Variants in MEP1A observed in about 807,000 individuals in gnomAD.
MEP1A encodes N-benzoyl-L-tyrosyl-P-amino-benzoic acid hydrolase subunit alpha.
MEP1A carries 68 observed loss-of-function variants against 84.5 expected under a neutral mutation model. The observed-to-expected ratio is 0.80, with a 90% CI of 0.66 to 0.98. The LOEUF is 0.98. Among genes scored for constraint, MEP1A ranks in the 50% least tolerant of loss-of-function variants. The probability of loss-of-function intolerance (pLI) is 0.00; values close to 1 mark genes in which losing one functional copy is unlikely to be tolerated. For missense variants in MEP1A, 887 were observed against 919.9 expected (o/e 0.96, Z 0.46); for synonymous variants, 337 against 336.8 (o/e 1.00, Z -0.01).
At chr6:46,835,837 C>T (rs1768206203) in intron 13 of MEP1A, among the ~76,000 whole-genome samples, 1 of 152,196 alleles carries the variant, frequency 6.6e-6, no homozygotes, top group Admixed American at 6.5e-5. Context: ...ACTCTAACAA[C>T]ACCCAAGATG....
chr6:46,800,050 G>A (rs1767158764), intron 5 of MEP1A, among the ~76,000 whole-genome samples: 1 of 152,206 alleles, frequency 6.6e-6, no homozygotes, highest in Non-Finnish European at 1.5e-5. Flanking sequence ...ATGGAGAACA[G>A]CTAGATATAA....
chr6:46,815,545 TCA>T (rs1440415768), intron 6 of MEP1A, among the ~76,000 whole-genome samples: 1 of 152,182 alleles, frequency 6.6e-6, no homozygotes, highest in African/African-American at 2.4e-5. Flanking sequence ...GCAAGCAGAC[TCA>T]CAGGTTTTCA....
At chr6:46,831,319 T>C (rs1768069784) in intron 10 of MEP1A, among the ~76,000 whole-genome samples, 1 of 152,208 alleles carries the variant, frequency 6.6e-6, no homozygotes, top group African/African-American at 2.4e-5. Flanking sequence ...TGCATATCTG[T>C]ATATAATATA....
chr6:46,797,909 TC>T (rs1299007444), intron 3 of MEP1A, among the ~76,000 whole-genome samples: 4,109 of 66,750 alleles, frequency 0.062, 177 homozygotes, highest in East Asian at 0.17. Flanking sequence ...CTTCCTTCCT[TC>T]CTTCCTTCCT....
intron 7 of MEP1A, among the ~76,000 whole-genome samples, chr6:46,825,035 C>G: frequency 1.3e-5 from 1 of 77,468 alleles, no homozygotes; most frequent in Non-Finnish European, 3.1e-5. Context: ...TTAAATAGAT[C>G]TATTTAAATA....
intron 11 of MEP1A, among the ~76,000 whole-genome samples, 159 bp downstream of exon 11, chr6:46,833,697 C>T (rs1320369121): frequency 6.6e-6 from 1 of 152,138 alleles, no homozygotes; most frequent in African/African-American, 2.4e-5. Flanking sequence ...ATTTTCAATG[C>T]CATCACATCC....
chr6:46,797,784 C>T (rs1767079016), intron 3 of MEP1A, among the ~76,000 whole-genome samples: 2 of 138,706 alleles, frequency 1.4e-5, no homozygotes, highest in South Asian at 2.3e-4. Context: ...TTCTTTCTTT[C>T]TTTCTTTCTC....
chr6:46,807,563 A>AGAAAGAAAGAAG (rs1767365497), intron 5 of MEP1A, among the ~76,000 whole-genome samples: 11 of 67,338 alleles, frequency 1.6e-4, no homozygotes, highest in African/African-American at 7.6e-4. Flanking sequence ...AAAGAAAGAA[A>AGAAAGAAAGAAG]GAAAGGAAGG....
chr6:46,793,764 C>T lies in MEP1A; in HGVS notation c.145+48C>T, dbSNP rs755825665. The T allele has an allele frequency of 1.2e-5, 16 of 1,340,516 alleles. No homozygotes were observed. In the South Asian group the frequency reaches 1.8e-4, roughly 15 times the overall value. 83.0% of individuals were successfully genotyped at this position (1,340,516 alleles called of 1,614,324 possible). A position where few individuals can be genotyped will look rare whatever the true frequency, so the allele number is the denominator to read the frequency against. On this transcript the variant is annotated intron_variant, in intron 3 of 13. Coordinates refer to ENST00000230588, the MANE Select transcript of MEP1A (RefSeq NM_005588.3). The stretch of plus-strand genomic sequence containing the variant: ...TAAAGTCTTGAAATTACTTGAAACC[C>T]AGTGGTGGGATTACTGAACACTTTC...
rs1767923813 is a variant in MEP1A at position 46,825,620 on chromosome 6, T to C, written c.778+127T>C. On this transcript the variant is annotated intron_variant, in intron 8 of 13. Coordinates refer to ENST00000230588, the MANE Select transcript of MEP1A (RefSeq NM_005588.3). The stretch of plus-strand genomic sequence containing the variant: ...ACTAGCTAAAAGAATAAGAACAAAC[T>C]GCGTAACTTTTGTTGGTCTACCTCT... The C allele has an allele frequency of 4.3e-6, 3 of 699,176 alleles. No homozygotes were observed. The South Asian group carries it at 6.1e-5, about 14-fold the overall frequency. The allele number at this position is 699,176 out of a possible 1,614,324, so 43.3% of individuals were successfully genotyped here. A position where few individuals can be genotyped will look rare whatever the true frequency, so the allele number is the denominator to read the frequency against.
intron 13 of MEP1A, among the ~76,000 whole-genome samples, chr6:46,836,791 G>A (rs1276385911): frequency 1.7e-5 from 2 of 115,790 alleles, no homozygotes; most frequent in African/African-American, 6.6e-5. Context: ...TACTGGTCAG[G>A]GATTTTTTTT....
chr6:46,807,666 AAGGAGGAGGAGGAGAAGG>A (rs1357673179), intron 5 of MEP1A, among the ~76,000 whole-genome samples: 1 of 147,482 alleles, frequency 6.8e-6, no homozygotes. Flanking sequence ...GGAAGAGAAG[AAGGAGGAGGAGGAGAAGG>A]AGGAGGAGGA....
At position 46,826,235 on chromosome 6, in the gene MEP1A, A is replaced by G. The variant is rs566281821; in HGVS notation, c.779-119A>G. 12 of 902,262 alleles carry G rather than the reference A, an allele frequency of 1.3e-5. No homozygotes were observed. The African/African-American group carries it at 1.9e-4, about 14-fold the overall frequency. The allele number at this position is 902,262 out of a possible 1,614,324, so 55.9% of individuals were successfully genotyped here. ...AAGATTTGCATTTGAGAAAAAGTCAAGATAACAAGCTTGTGATCCTGTCAT... is the reference window on the plus strand; with the variant it reads ...AAGATTTGCATTTGAGAAAAAGTCAGGATAACAAGCTTGTGATCCTGTCAT... On this transcript the variant is annotated intron_variant, in intron 8 of 13. Coordinates refer to ENST00000230588, the MANE Select transcript of MEP1A (RefSeq NM_005588.3).
chr6:46,804,998 T>C (rs1767282956), intron 5 of MEP1A, among the ~76,000 whole-genome samples: 1 of 151,880 alleles, frequency 6.6e-6, no homozygotes, highest in Non-Finnish European at 1.5e-5. Flanking sequence ...TGCATCAATG[T>C]TGCTGCGTTT....
intron 6 of MEP1A, among the ~76,000 whole-genome samples, chr6:46,810,110 A>C (rs1420754273): frequency 6.6e-6 from 1 of 151,962 alleles, no homozygotes; most frequent in Non-Finnish European, 1.5e-5. Flanking sequence ...TTTTCACTGC[A>C]TCCACACCAA....
chr6:46,821,147 A>G (rs1161563235), intron 7 of MEP1A, among the ~76,000 whole-genome samples: 1 of 152,150 alleles, frequency 6.6e-6, no homozygotes, highest in African/African-American at 2.4e-5. Flanking sequence ...ACATGAGATG[A>G]GGGTAGAGAG....
chr6:46,794,300 A>G (rs1767001322), intron 3 of MEP1A, among the ~76,000 whole-genome samples: 1 of 152,236 alleles, frequency 6.6e-6, no homozygotes, highest in East Asian at 1.9e-4. Context: ...AAGCCTCTGC[A>G]TTCCCAGTGT....
intron 10 of MEP1A, among the ~76,000 whole-genome samples, chr6:46,831,960 C>T (rs1273356716): frequency 1.3e-5 from 2 of 152,162 alleles, no homozygotes; most frequent in African/African-American, 4.8e-5. Context: ...GTAACCTAAC[C>T]ACACAGGCCA....
intron 9 of MEP1A, among the ~76,000 whole-genome samples, chr6:46,828,709 G>A (rs1768003154): frequency 6.6e-6 from 1 of 152,058 alleles, no homozygotes; most frequent in African/African-American, 2.4e-5. Context: ...TCTGAGTCAG[G>A]TAAACCCTAT....
Sources: gnomAD v4.1 joint callset for allele counts (sites outside exome capture counted in the v4.1 genomes callset) on GRCh38, gnomAD v4.1.1 for gene constraint, MANE v1.5 for transcripts, NCBI Gene and HGNC (gene_info 2026-07-23, HGNC 2026-07-21) for gene names.